The following FER1L6 variants were observed in gnomAD, a reference collection of about 807,000 sequenced individuals.
The protein encoded by FER1L6 is fer-1-like protein 6.
A neutral mutation model predicts 219.2 loss-of-function variants in FER1L6; 177 were observed. The ratio of observed to expected loss-of-function variants is 0.81; its 90% CI spans 0.71 to 0.91. FER1L6 has a LOEUF of 0.91. FER1L6 is among the 40% of genes least tolerant of loss of function. FER1L6 has a pLI of 0.00. For missense variants in FER1L6, 2,153 were observed against 2,259.9 expected (o/e 0.95, Z 0.96); for synonymous variants, 768 against 824.3 (o/e 0.93, Z 1.17).
intron 32 of FER1L6, among the ~76,000 whole-genome samples, chr8:124,076,557 A>G (rs986587674): frequency 6.6e-6 from 1 of 152,184 alleles, no homozygotes; most frequent in Non-Finnish European, 1.5e-5. Flanking sequence ...TCTTACCCAT[A>G]GCTTTCTTTA....
intron 1 of FER1L6, among the ~76,000 whole-genome samples, chr8:123,912,554 C>G (rs1285713980): frequency 2.0e-5 from 3 of 151,400 alleles, no homozygotes; most frequent in Admixed American, 6.6e-5. Context: ...GTTTTTTTGG[C>G]AGGCACTGTT....
intron 3 of FER1L6, among the ~76,000 whole-genome samples, chr8:123,964,412 A>C (rs753924717): frequency 6.6e-6 from 1 of 152,130 alleles, no homozygotes; most frequent in Non-Finnish European, 1.5e-5. Context: ...CTGGGTTGTG[A>C]CAGGATGGCA....
intron 29 of FER1L6, 52 bp from the exon 30 acceptor site, chr8:124,070,411 AAATC>A: frequency 6.3e-7 from 1 of 1,590,732 alleles, no homozygotes; most frequent in South Asian, 1.1e-5. Context: ...ATTTCTCATT[AAATC>A]AATCCTGGGC....
intron 39 of FER1L6, among the ~76,000 whole-genome samples, chr8:124,107,287 G>T (rs560815525): frequency 6.6e-6 from 1 of 152,208 alleles, no homozygotes; most frequent in East Asian, 1.9e-4. Context: ...TCAGTGTACT[G>T]AGCACATAAG....
chr8:123,965,816 A>G (rs1815509636), intron 3 of FER1L6, among the ~76,000 whole-genome samples, 191 bp from the exon 4 acceptor site: 1 of 152,220 alleles, frequency 6.6e-6, no homozygotes, highest in African/African-American at 2.4e-5. Context: ...TGCTATTACA[A>G]GCTCCATTTT....
In FER1L6 at chr8:124,013,464, A is replaced by G; in HGVS notation, c.1855A>G (p.Lys619Glu). Residue 619 changes from lysine (K) to glutamate (E), a missense_variant, in exon 15 of 41, where the codon AAG (lysine) becomes GAG (glutamate). By Grantham distance (56) the Lys-to-Glu change is moderately conservative. Coordinates refer to ENST00000522917, the MANE Select transcript of FER1L6 (RefSeq NM_001039112.2). Reference protein sequence around the residue: ...ESIEEVRELIKISQEAPEEKM... With the variant: ...ESIEEVRELIEISQEAPEEKM... ...TATAGAAGAAGTGAGAGAATTGATC[A>G]AGATTTCACAGGAGGCACCTGAAGA... 1.2e-6 allele frequency: 2 copies of G among 1,610,420 alleles called. No homozygotes were observed. Among genetic ancestry groups the G allele is most frequent in the Non-Finnish European group, 1.7e-6 (2 of 1,179,054 alleles).
chr8:123,856,316 G>GTGTATATATATATATATA (rs71576706), intron 1 of FER1L6, among the ~76,000 whole-genome samples: 5 of 45,088 alleles, frequency 1.1e-4, no homozygotes, highest in African/African-American at 3.5e-4. Context: ...ATATGTATGT[G>GTGTATATATATATATATA]TATATATATA....
Position 123,973,813 on chromosome 8 carries a change from C to T in FER1L6, c.526+301C>T, listed in dbSNP as rs10105895. 2.6e-3 allele frequency among the ~76,000 whole-genome samples: 399 copies of T among 152,206 alleles called. 2 individuals carry two copies. Among genetic ancestry groups the T allele is most frequent in the African/African-American group, 9.2e-3 (381 of 41,526 alleles). On this transcript the variant is annotated intron_variant, in intron 7 of 40. Transcript: ENST00000522917. Reference sequence around the variant, plus strand: ...GAATACAGACTCTGGAGTCAGATTGCCTGGGTTCGAATCCCACTCTATGTC... The same window carrying T: ...GAATACAGACTCTGGAGTCAGATTGTCTGGGTTCGAATCCCACTCTATGTC...
At chr8:123,898,428 C>T (rs1057214232) in intron 1 of FER1L6, among the ~76,000 whole-genome samples, 1 of 151,710 alleles carries the variant, frequency 6.6e-6, no homozygotes, top group Admixed American at 6.6e-5. Flanking sequence ...TCTTTTATCC[C>T]TTGCCCCCTC....
intron 28 of FER1L6, among the ~76,000 whole-genome samples, chr8:124,068,959 CG>C (rs1563779173): frequency 6.9e-6 from 1 of 145,218 alleles, no homozygotes; most frequent in East Asian, 2.1e-4. Flanking sequence ...TTTTCCGAGA[CG>C]GAGTCTTGCT....
chr8:124,052,237 A>C (rs1280524744), intron 22 of FER1L6, among the ~76,000 whole-genome samples: 1 of 152,172 alleles, frequency 6.6e-6, no homozygotes, highest in African/African-American at 2.4e-5. Flanking sequence ...AACCAGCATT[A>C]AATAGTGTTG....
At chr8:124,088,029 G>A (rs964644108) in intron 33 of FER1L6, among the ~76,000 whole-genome samples, 1 of 152,180 alleles carries the variant, frequency 6.6e-6, no homozygotes, top group Non-Finnish European at 1.5e-5. Flanking sequence ...CTTGCCCAAG[G>A]CCTGCAGTGA....
At position 124,023,549 on chromosome 8, in the gene FER1L6, G is replaced by A. The variant is rs777969886; in HGVS notation, c.2239G>A (p.Gly747Arg). The A allele has an allele frequency of 9.3e-6, 15 of 1,613,988 alleles. No homozygotes were observed. The highest frequency in any genetic ancestry group is 4.4e-5 in the South Asian group (4 of 91,074). The part of the protein sequence containing the change: ...SKDLLYSPVA[G>R]QMGKHCGKIK... ...AGACCTCCTCTATTCCCCTGTCGCG[G>A]GGCAGATGGGCAAACACTGCGGCAA... is the stretch of plus-strand genomic sequence containing the variant. Residue 747 changes from glycine to arginine, a missense_variant, in exon 18 of 41, where the codon GGG becomes AGG. Physicochemically the swap from Gly to Arg is moderately radical, Grantham distance 125. Transcript: ENST00000522917.
chr8:123,929,050 T>C (rs893161759), intron 1 of FER1L6, among the ~76,000 whole-genome samples: 1 of 152,200 alleles, frequency 6.6e-6, no homozygotes, highest in African/African-American at 2.4e-5. Flanking sequence ...TGAGGTCTCC[T>C]GAGGATTAAA....
chr8:124,067,905 C>A (rs907883605), intron 28 of FER1L6, 99 bp downstream of exon 28: 22 of 880,728 alleles, frequency 2.5e-5, no homozygotes, highest in Non-Finnish European at 2.0e-5. Flanking sequence ...GAGCTCAACT[C>A]CCTCCTTTCC....
intron 34 of FER1L6, among the ~76,000 whole-genome samples, chr8:124,094,312 G>A (rs1013428418): frequency 5.9e-5 from 9 of 152,014 alleles, no homozygotes; most frequent in Non-Finnish European, 1.3e-4. Context: ...TTTAGGAGGT[G>A]GGTGGAGCCC....
intron 1 of FER1L6, among the ~76,000 whole-genome samples, chr8:123,917,575 C>G (rs1320518661): frequency 1.3e-5 from 2 of 152,212 alleles, no homozygotes; most frequent in Non-Finnish European, 2.9e-5. Flanking sequence ...AAAGAAAAAA[C>G]ATAGCTCTAC....
intron 23 of FER1L6, 26 bp from the exon 24 acceptor site, chr8:124,060,522 G>T: frequency 6.2e-7 from 1 of 1,612,118 alleles, no homozygotes; most frequent in South Asian, 1.1e-5. Flanking sequence ...GATCTGTGGT[G>T]ATGGCTCTGC....
chr8:123,855,033 T>C (rs139836238), intron 1 of FER1L6, among the ~76,000 whole-genome samples: 12 of 152,318 alleles, frequency 7.9e-5, no homozygotes, highest in African/African-American at 2.9e-4. Context: ...GGAGACCCTA[T>C]TACTCTCAGC....
Sources: allele counts gnomAD v4.1 joint callset (sites outside exome capture counted in the v4.1 genomes callset), GRCh38; gene constraint gnomAD v4.1.1; transcripts MANE v1.5; gene names NCBI Gene and HGNC (gene_info 2026-07-23, HGNC 2026-07-21).